Variants in AGRN observed in about 807,000 individuals in gnomAD.
AGRN encodes the protein agrin proteoglycan.
Under a neutral mutation model 211.0 loss-of-function variants are expected in AGRN, and 106 were observed. The observed-to-expected ratio is 0.50, with a 90% CI of 0.43 to 0.59. AGRN has a LOEUF of 0.59. AGRN is among the 20% of genes least tolerant of loss of function. The probability of loss-of-function intolerance (pLI) is 0.00; values close to 1 mark genes in which losing one functional copy is unlikely to be tolerated. For synonymous variants in AGRN, 1,525 were observed against 1,332.5 expected (o/e 1.14, Z -3.15); for missense variants, 3,040 against 2,982.6 (o/e 1.02, Z -0.45).
At chr1:1,047,273 C>T in intron 19 of AGRN, 54 bp from the exon 20 acceptor site, 1 of 1,550,478 alleles carries the variant, frequency 6.4e-7, no homozygotes, top group Non-Finnish European at 8.7e-7. Context: ...GTGCCTGGGC[C>T]AGCCTGGATG....
At position 1,056,005 on chromosome 1, in the gene AGRN, T is replaced by G. The variant is rs1645440567; in HGVS notation, c.*1024T>G. ...CCCACCCCCAGCCCCAGCCCAGTCC[T>G]CCTAGGAGCAGGACCCGATGAAGCG... On this transcript the variant is annotated 3_prime_UTR_variant, in exon 36 of 36. Coordinates refer to ENST00000379370, the MANE Select transcript of AGRN (RefSeq NM_198576.4). 6.6e-6 allele frequency: 1 copy of G among 152,270 alleles called. No individual in the cohort carries two copies. 9.4% of individuals were successfully genotyped at this position (152,270 alleles called of 1,614,324 possible). A position where few individuals can be genotyped will look rare whatever the true frequency, so the allele number is the denominator to read the frequency against.
chr1:1,052,011 C>A (rs781438328), intron 33 of AGRN, 196 bp downstream of exon 33: 2 of 1,535,972 alleles, frequency 1.3e-6, no homozygotes, highest in South Asian at 1.2e-5. Flanking sequence ...CCAATGAGAT[C>A]CCCGTGTGAG....
chr1:1,042,131 T>A lies in AGRN; in HGVS notation c.1353T>A (p.Arg451=), dbSNP rs770286776. Residue 451 remains arginine, a synonymous_variant, in exon 7 of 36, where the codon CGT becomes CGA. Coordinates refer to ENST00000379370, the MANE Select transcript of AGRN (RefSeq NM_198576.4). ...WRQQAECRQQ[R]AIPSKHQGPC... ...AGCAGGCTGAGTGCCGGCAGCAGCG[T>A]GCCATCCCCAGCAAGCACCAGGGCC... 3.8e-6 allele frequency: 6 copies of A among 1,599,642 alleles called. No individual in the cohort carries two copies. In the African/African-American group the frequency reaches 6.7e-5, roughly 18 times the overall value.
rs186969190 is a variant in AGRN at position 1,033,832 on chromosome 1, C to A, written c.464-1445C>A. ...GGCCCAGCCCCAGCCCCAGCCCCAG[C>A]CGAGCACCCCCGGCCCCGCCTGCCC... On this transcript the variant is annotated intron_variant, in intron 2 of 35. Transcript: ENST00000379370. Among the ~76,000 whole-genome samples the A allele has an allele frequency of 6.6e-3, 968 of 147,214 alleles. 11 individuals carry two copies. Among genetic ancestry groups the A allele is most frequent in the African/African-American group, 0.023 (920 of 39,686 alleles).
Position 1,020,361 on chromosome 1 carries a change from G to A in AGRN, c.189G>A (p.Thr63=), listed in dbSNP as rs1570124875. The change falls in exon 1 of 36, where the codon ACG becomes ACA. Residue 63 remains threonine (T), a synonymous_variant. Coordinates refer to ENST00000379370, the MANE Select transcript of AGRN (RefSeq NM_198576.4). ...TCAACGTGGACCCGGTGCAGCACAC[G>A]TACTCCTGCAAGGTGCGCCCACCCG... ...EILNVDPVQH[T]YSCKVRVWRY... The A allele has an allele frequency of 2.0e-6, 3 of 1,498,022 alleles. No individual in the cohort carries two copies. In the South Asian group the frequency reaches 3.8e-5, roughly 19 times the overall value. 92.8% of individuals were successfully genotyped at this position (1,498,022 alleles called of 1,614,324 possible). A position where few individuals can be genotyped will look rare whatever the true frequency, so the allele number is the denominator to read the frequency against.
rs1193713740 is a variant in AGRN, at chr1:1,041,224, C to T, written c.779C>T (p.Ala260Val). The T allele has an allele frequency of 6.8e-7, 1 of 1,480,478 alleles. No individual in the cohort carries two copies. The highest frequency in any genetic ancestry group is 2.3e-5 in the Admixed American group (1 of 43,764). The allele number at this position is 1,480,478 out of a possible 1,614,324, so 91.7% of individuals were successfully genotyped here. Residue 260 changes from alanine to valine, a missense_variant, in exon 5 of 36, where the codon GCG (alanine) becomes GTG (valine). Around this residue, in one of 3 missense-constraint regions of AGRN, gnomAD observed 1,498 missense variants for 1,457.8 expected, o/e 1.03. Coordinates refer to ENST00000379370, the MANE Select transcript of AGRN (RefSeq NM_198576.4). Reference protein sequence around the residue: ...NVTCSFGSTCARSADGLTASC... With the variant: ...NVTCSFGSTCVRSADGLTASC... ...ACCTGCAGCTTCGGCAGCACCTGTGCGCGCTCGGCCGACGGGCTGACGGCC... is the reference window on the plus strand; with the variant it reads ...ACCTGCAGCTTCGGCAGCACCTGTGTGCGCTCGGCCGACGGGCTGACGGCC...
chr1:1,053,273 C>A, intron 33 of AGRN: 1 of 396,320 alleles, frequency 2.5e-6, no homozygotes, highest in Non-Finnish European at 4.4e-6. Flanking sequence ...TGCACCCTCA[C>A]GTGTCTCGTG....
chr1:1,051,381 C>T lies in AGRN; in HGVS notation c.5370+12C>T, dbSNP rs376611912. The T allele has an allele frequency of 1.2e-4, 109 of 906,618 alleles. No individual in the cohort carries two copies. The highest frequency in any genetic ancestry group is 5.6e-4 in the African/African-American group (34 of 61,166). 56.2% of individuals were successfully genotyped at this position (906,618 alleles called of 1,614,324 possible). On this transcript the variant is annotated intron_variant, in intron 31 of 35. Coordinates refer to ENST00000379370, the MANE Select transcript of AGRN (RefSeq NM_198576.4). Reference sequence around the variant, plus strand: ...GTGCCATCCAGCTGGTATGTGGGGGCGGGGCGTCCCAGCAGGGCCTCCGGG... The same window carrying T: ...GTGCCATCCAGCTGGTATGTGGGGGTGGGGCGTCCCAGCAGGGCCTCCGGG...
Position 1,032,210 on chromosome 1 carries a change from C to T in AGRN, c.464-3067C>T, listed in dbSNP as rs114758950. 8.6e-4 allele frequency among the ~76,000 whole-genome samples: 131 copies of T among 152,200 alleles called. No individual in the cohort carries two copies. Among genetic ancestry groups the T allele is most frequent in the African/African-American group, 2.4e-3 (101 of 41,518 alleles). ...GCTTGGGGTGGGTGAGAACCCTTGG[C>T]TGAGTTTGGATTTTCCTGCAGGGTT... On this transcript the variant is annotated intron_variant, in intron 2 of 35. Coordinates refer to ENST00000379370, the MANE Select transcript of AGRN (RefSeq NM_198576.4). This position sits in a 1 kb window ranked among gnomAD's most constrained non-coding sequence, Gnocchi z 4.7.
At chr1:1,046,134 T>C (rs1645085548) in intron 16 of AGRN, 26 bp from the exon 17 acceptor site, 1 of 1,613,956 alleles carries the variant, frequency 6.2e-7, no homozygotes, top group Non-Finnish European at 8.5e-7. Context: ...AGGCCTCGCC[T>C]TGAACATCCT....
intron 2 of AGRN, 100 bp downstream of exon 2, chr1:1,022,562 GC>G: frequency 1.1e-6 from 1 of 885,568 alleles, no homozygotes; most frequent in South Asian, 1.8e-5. Flanking sequence ...TTCGTGCTGT[GC>G]CGGAGGCTGC....
In AGRN at chr1:1,054,755, C is replaced by A; in HGVS notation, c.5981-69C>A. On this transcript the variant is annotated intron_variant, in intron 35 of 35. Coordinates refer to ENST00000379370, the MANE Select transcript of AGRN (RefSeq NM_198576.4). ...CCAGGTGTGGGCCCCCTGCTGGTCACCTGCTCGTTGGGGTGCCCATCAGCA... is the reference window on the plus strand; with the variant it reads ...CCAGGTGTGGGCCCCCTGCTGGTCAACTGCTCGTTGGGGTGCCCATCAGCA... 2.6e-6 allele frequency: 4 copies of A among 1,530,874 alleles called. 1 individual carries two copies. In the South Asian group the frequency reaches 4.8e-5, roughly 18 times the overall value. 94.8% of individuals were successfully genotyped at this position (1,530,874 alleles called of 1,614,324 possible).
Position 1,031,087 on chromosome 1 carries a change from T to TG in AGRN, c.464-4190_464-4189insG, listed in dbSNP as rs1557690028. Reference sequence around the variant, plus strand: ...GCAGTGCATGGTGCTGTGAGTGTGATTGTGTGTGTGTGTGTGCGGTGCATG... The same window carrying TG: ...GCAGTGCATGGTGCTGTGAGTGTGATGTGTGTGTGTGTGTGTGCGGTGCATG... On this transcript the variant is annotated intron_variant, in intron 2 of 35. Transcript: ENST00000379370. The surrounding 1 kb of genome is among the most constrained non-coding windows in gnomAD (Gnocchi z 4.8). Among the ~76,000 whole-genome samples the TG allele has an allele frequency of 3.1e-5, 2 of 64,468 alleles. No homozygotes were observed. Among genetic ancestry groups the TG allele is most frequent in the South Asian group, 5.6e-4 (1 of 1,770 alleles). 42.3% of individuals were successfully genotyped at this position (64,468 alleles called of 152,430 possible). A position where few individuals can be genotyped will look rare whatever the true frequency, so the allele number is the denominator to read the frequency against.
At chr1:1,022,088 C>T in intron 1 of AGRN, 113 bp from the exon 2 acceptor site, 1 of 1,395,118 alleles carries the variant, frequency 7.2e-7, no homozygotes, top group Non-Finnish European at 1.0e-6. Flanking sequence ...CTCCCCACAT[C>T]TCTGCCCAGG....
Position 1,048,349 on chromosome 1 carries a change from C to G in AGRN, c.4089C>G (p.Gly1363=), listed in dbSNP as rs1453910543. 6.8e-7 allele frequency: 1 copy of G among 1,465,644 alleles called. No homozygotes were observed. The highest frequency in any genetic ancestry group is 9.0e-7 in the Non-Finnish European group (1 of 1,105,494). The allele number at this position is 1,465,644 out of a possible 1,614,324, so 90.8% of individuals were successfully genotyped here. ...FTCSCPAGRG[G]AVCEKVLGAP... is the part of the protein sequence containing the mutation. ...GCAGCTGCCCGGCAGGCAGGGGAGG[C>G]GCCGTCTGTGAGAAGGGTAAGGATG... Residue 1363 remains glycine (G), a synonymous_variant, in exon 23 of 36, where the codon GGC becomes GGG. Coordinates refer to ENST00000379370, the MANE Select transcript of AGRN (RefSeq NM_198576.4). This position sits in a 1 kb window ranked among gnomAD's most constrained non-coding sequence, Gnocchi z 5.9.
chr1:1,022,109 A>G, intron 1 of AGRN, 92 bp from the exon 2 acceptor site: 1 of 1,506,814 alleles, frequency 6.6e-7, no homozygotes, highest in Non-Finnish European at 9.2e-7. Flanking sequence ...GCTTGAGTCT[A>G]CTGTGGACAT....
At chr1:1,044,942 T>C (rs1380304204) in intron 12 of AGRN, among the ~76,000 whole-genome samples, 2 of 152,172 alleles carry the variant, frequency 1.3e-5, no homozygotes, top group African/African-American at 4.8e-5. Context: ...TTGGATGCTC[T>C]GTGTGTTGTG....
At position 1,050,388 on chromosome 1, in the gene AGRN, AGGG is replaced by A. The variant is rs759805458; in HGVS notation, c.4977-37_4977-35del. ...CCCCACCTCCGTCTCTCCTGTGGGG[AGGG>A]GACAGCAAAGACACCCCGACTCCCC... is the stretch of plus-strand genomic sequence containing the variant. On this transcript the variant is annotated intron_variant, in intron 28 of 35. Coordinates refer to ENST00000379370, the MANE Select transcript of AGRN (RefSeq NM_198576.4). The A allele has an allele frequency of 5.8e-5, 94 of 1,612,434 alleles. 4 individuals carry two copies. In the South Asian group the frequency reaches 1.0e-3, roughly 18 times the overall value.
chr1:1,027,502 C>T (rs1032333423), intron 2 of AGRN, among the ~76,000 whole-genome samples: 3 of 152,216 alleles, frequency 2.0e-5, no homozygotes, highest in Non-Finnish European at 4.4e-5. Flanking sequence ...GTTGTCCACT[C>T]TCCTGCCCCC....
Sources: gnomAD v4.1 joint callset for allele counts (sites outside exome capture counted in the v4.1 genomes callset) on GRCh38, gnomAD v4.1.1 for gene constraint, gnomAD v4.1.1 regional missense constraint, Gnocchi (gnomAD v3.1) non-coding constraint, MANE v1.5 for transcripts, NCBI Gene and HGNC (gene_info 2026-07-23, HGNC 2026-07-21) for gene names.